Variants in SLC4A10 observed in about 807,000 individuals in gnomAD.
The protein encoded by SLC4A10 is sodium-driven chloride bicarbonate exchanger.
In SLC4A10, 42 loss-of-function variants were observed where a neutral mutation model predicts 137.7. That is an observed-to-expected ratio of 0.30 (90% CI 0.24 to 0.39). The LOEUF is 0.39. SLC4A10 is among the 10% of genes least tolerant of loss of function. SLC4A10 has a pLI of 1.00. For synonymous variants in SLC4A10, 474 were observed against 464.1 expected (o/e 1.02, Z -0.27); for missense variants, 925 against 1,355.0 (o/e 0.68, Z 4.98).
intron 1 of SLC4A10, among the ~76,000 whole-genome samples, chr2:161,676,123 G>T (rs1246334775): frequency 1.3e-5 from 2 of 152,154 alleles, no homozygotes; most frequent in Non-Finnish European, 2.9e-5. Flanking sequence ...GGTATGCCTT[G>T]TATACTTACG....
intron 3 of SLC4A10, among the ~76,000 whole-genome samples, chr2:161,816,017 C>T (rs2125661724): frequency 6.6e-6 from 1 of 152,206 alleles, no homozygotes; most frequent in East Asian, 1.9e-4. Flanking sequence ...TTCAGTTTCT[C>T]TAGTACTAAT....
intron 20 of SLC4A10, 135 bp from the exon 21 acceptor site, chr2:161,958,352 T>G: frequency 1.5e-6 from 1 of 657,370 alleles, no homozygotes; most frequent in Non-Finnish European, 2.6e-6. Context: ...GGAACTTGAA[T>G]CCTTGTCTTC....
chr2:161,752,675 G>C (rs1000769619), intron 1 of SLC4A10, among the ~76,000 whole-genome samples: 1 of 152,108 alleles, frequency 6.6e-6, no homozygotes, highest in African/African-American at 2.4e-5. Flanking sequence ...AAACACAGAT[G>C]AATCTGGAGG....
At chr2:161,662,909 A>G (rs1337197118) in intron 1 of SLC4A10, among the ~76,000 whole-genome samples, 1 of 152,184 alleles carries the variant, frequency 6.6e-6, no homozygotes, top group Non-Finnish European at 1.5e-5. Context: ...GATGAGGATG[A>G]TTGATAGGTT....
At chr2:161,956,057 A>G (rs1695607329) in intron 19 of SLC4A10, among the ~76,000 whole-genome samples, 4 of 152,228 alleles carry the variant, frequency 2.6e-5, no homozygotes. Flanking sequence ...ACATATTAAT[A>G]GTTTTATTAA....
chr2:161,937,316 C>T (rs1691752887), intron 15 of SLC4A10, among the ~76,000 whole-genome samples: 1 of 152,112 alleles, frequency 6.6e-6, no homozygotes, highest in African/African-American at 2.4e-5. Context: ...TTTTAATATG[C>T]AATATACTTA....
chr2:161,700,830 C>G (rs972462008), intron 1 of SLC4A10, among the ~76,000 whole-genome samples: 2 of 152,080 alleles, frequency 1.3e-5, no homozygotes, highest in Non-Finnish European at 1.5e-5. Context: ...TCTACGCGCT[C>G]TGTAGTGTCT....
chr2:161,889,430 T>G (rs1346489719), intron 10 of SLC4A10, among the ~76,000 whole-genome samples: 1 of 152,158 alleles, frequency 6.6e-6, no homozygotes, highest in African/African-American at 2.4e-5. Context: ...TTTTGGTTGG[T>G]AGGCTATTAA....
At chr2:161,902,677 A>G (rs1488940101) in intron 12 of SLC4A10, among the ~76,000 whole-genome samples, 1 of 152,160 alleles carries the variant, frequency 6.6e-6, no homozygotes, top group Non-Finnish European at 1.5e-5. Flanking sequence ...GTGATCTTAT[A>G]CCTGCATAAT....
intron 1 of SLC4A10, among the ~76,000 whole-genome samples, chr2:161,666,857 T>G (rs1415513047): frequency 2.7e-4 from 1 of 3,766 alleles, no homozygotes; most frequent in Non-Finnish European, 2.9e-3. Flanking sequence ...TAAAATGCCA[T>G]GAACCATTTA....
At chr2:161,873,006 G>C (rs910454269) in intron 7 of SLC4A10, among the ~76,000 whole-genome samples, 4 of 152,098 alleles carry the variant, frequency 2.6e-5, no homozygotes, top group Admixed American at 1.3e-4. Context: ...GAGCCACCCC[G>C]CCCGGCCAAG....
intron 1 of SLC4A10, among the ~76,000 whole-genome samples, chr2:161,713,652 G>C (rs2044535028): frequency 6.6e-6 from 1 of 151,842 alleles, no homozygotes; most frequent in Non-Finnish European, 1.5e-5. Context: ...GAATACTCAT[G>C]TTACTATGGT....
At chr2:161,881,140 T>A (rs1443871416) in intron 9 of SLC4A10, among the ~76,000 whole-genome samples, 1 of 152,064 alleles carries the variant, frequency 6.6e-6, no homozygotes. Flanking sequence ...CAGGGTTTCT[T>A]ATTATCCTTT....
chr2:161,883,980 T>C (rs898293727), intron 10 of SLC4A10, among the ~76,000 whole-genome samples: 8 of 152,150 alleles, frequency 5.3e-5, no homozygotes, highest in African/African-American at 1.9e-4. Context: ...TCCAGGTTGA[T>C]GTGTATTTTG....
At position 161,947,589 on chromosome 2, in the gene SLC4A10, G is replaced by A. The variant is rs199675055; in HGVS notation, c.2127G>A (p.Glu709=). 2.5e-5 allele frequency: 41 copies of A among 1,612,522 alleles called. No individual in the cohort carries two copies. Among genetic ancestry groups the A allele is most frequent in the East Asian group, 2.2e-4 (10 of 44,844 alleles). The change falls in exon 17 of 27, where the codon GAG becomes GAA. Residue 709 remains glutamate, a synonymous_variant. Transcript: ENST00000446997. The part of the protein sequence containing the change: ...TVSECKSLHG[E]YVGRACGHDH... ...AGGAATGCAAATCATTGCATGGAGA[G>A]TATGTTGGACGGGCCTGTGGCCATG...
chr2:161,869,086 A>G (rs532515760), intron 6 of SLC4A10, among the ~76,000 whole-genome samples: 2 of 151,750 alleles, frequency 1.3e-5, no homozygotes, highest in South Asian at 2.1e-4. Flanking sequence ...CCACACATAT[A>G]TGAGTGCTAA....
chr2:161,791,660 T>G (rs1360277597), intron 2 of SLC4A10, among the ~76,000 whole-genome samples: 2 of 152,144 alleles, frequency 1.3e-5, no homozygotes, highest in Non-Finnish European at 2.9e-5. Context: ...CGAAATTACT[T>G]TTGTTCCAGA....
chr2:161,746,296 G>A (rs1262778420), intron 1 of SLC4A10, among the ~76,000 whole-genome samples: 1 of 150,546 alleles, frequency 6.6e-6, no homozygotes, highest in Non-Finnish European at 1.5e-5. Flanking sequence ...TACCCAGGCT[G>A]CAAGACAAAA....
chr2:161,629,734 C>A (rs377423253), intron 1 of SLC4A10, among the ~76,000 whole-genome samples: 1 of 151,874 alleles, frequency 6.6e-6, no homozygotes, highest in African/African-American at 2.4e-5. Flanking sequence ...CCCTGGTAAC[C>A]ACTGACTTTT....
Sources: allele counts gnomAD v4.1 joint callset (sites outside exome capture counted in the v4.1 genomes callset), GRCh38; gene constraint gnomAD v4.1.1; transcripts MANE v1.5; gene names NCBI Gene and HGNC (gene_info 2026-07-23, HGNC 2026-07-21).